The following BEST3 variants were observed in gnomAD, a reference collection of about 807,000 sequenced individuals.
BEST3 encodes the protein bestrophin 3.
BEST3 carries 50 observed loss-of-function variants against 47.1 expected under a neutral mutation model. The observed-to-expected ratio is 1.06, with a 90% confidence interval of 0.85 to 1.34. The LOEUF (loss-of-function observed/expected upper bound fraction) is 1.34, where lower values mean the gene tolerates loss of function less well. BEST3 is among the 40% of genes most tolerant of loss of function. The pLI is 0.00. For missense variants in BEST3, 765 were observed against 817.0 expected (o/e 0.94, Z 0.78); for synonymous variants, 282 against 298.8 (o/e 0.94, Z 0.58).
intron 9 of BEST3, 119 bp downstream of exon 9, chr12:69,671,309 G>A (rs1884554537): frequency 2.9e-6 from 3 of 1,050,912 alleles, no homozygotes; most frequent in South Asian, 2.1e-5. Context: ...AGGACTACAG[G>A]TGACATCACA....
intron 4 of BEST3, among the ~76,000 whole-genome samples, chr12:69,679,850 G>A (rs1250761926): frequency 6.6e-6 from 1 of 152,156 alleles, no homozygotes; most frequent in Non-Finnish European, 1.5e-5. Context: ...TATAGAGCGA[G>A]ACTGTCTCCC....
chr12:69,671,358 TTA>T, intron 9 of BEST3, 68 bp downstream of exon 9: 1 of 1,168,634 alleles, frequency 8.6e-7, no homozygotes, highest in Non-Finnish European at 1.2e-6. Flanking sequence ...TTTTTTTTTT[TTA>T]TAGAGACAAG....
intron 4 of BEST3, among the ~76,000 whole-genome samples, chr12:69,692,161 C>T (rs1347018253): frequency 6.6e-6 from 1 of 152,060 alleles, no homozygotes; most frequent in African/African-American, 2.4e-5. Context: ...CTGTATTAGC[C>T]ATTTAAGAAG....
intron 4 of BEST3, among the ~76,000 whole-genome samples, chr12:69,688,588 A>G (rs1205647647): frequency 6.6e-6 from 1 of 152,228 alleles, no homozygotes; most frequent in Non-Finnish European, 1.5e-5. Context: ...AAGTTCAAGG[A>G]TGAGCAGGTA....
intron 9 of BEST3, among the ~76,000 whole-genome samples, chr12:69,668,522 G>A (rs1452465320): frequency 4.6e-5 from 7 of 152,168 alleles, no homozygotes; most frequent in African/African-American, 1.2e-4. Flanking sequence ...CAGTCAGGTG[G>A]CTCATTTGAC....
rs2277388 is a variant in BEST3, at chr12:69,672,867, A to G, written c.948+18T>C. On this transcript the variant is annotated intron_variant, in intron 8 of 9. Transcript: ENST00000330891. The stretch of plus-strand genomic sequence containing the variant: ...ATTTATTATTAACATTTGAAAAAGA[A>G]AGAAAAATTCCTCTAACCTGCAAAT... The G allele has an allele frequency of 3.2e-4, 500 of 1,565,816 alleles. 6 individuals carry two copies. In the East Asian group the frequency reaches 0.011, roughly 35 times the overall value.
chr12:69,662,016 A>G (rs73327739), intron 9 of BEST3, among the ~76,000 whole-genome samples: 14,817 of 152,150 alleles, frequency 0.097, 811 homozygotes, highest in East Asian at 0.23. Flanking sequence ...CCTCTTTAAT[A>G]TTGTTATATT....
In BEST3 at chr12:69,654,956, T is replaced by G. The variant is rs374261993; in HGVS notation, c.1958A>C (p.Glu653Ala). ...LYLMENLDTKETDIIELNKET... is the reference protein window; with the variant it reads ...LYLMENLDTKATDIIELNKET... ...CTTGTTCAGCTCTATGATATCTGTT[T>G]CCTTGGTGTCCAGGTTTTCCATTAA... is the stretch of plus-strand genomic sequence containing the variant. The change falls in exon 10 of 10, where the codon GAA becomes GCA. Residue 653 changes from glutamate (E) to alanine (A), a missense_variant. Glu to Ala is a moderately radical substitution (Grantham distance 107). Transcript: ENST00000330891. 3 of 1,613,990 alleles carry G rather than the reference T, an allele frequency of 1.9e-6. No individual in the cohort carries two copies. In the East Asian group the frequency reaches 6.7e-5, roughly 36 times the overall value.
intron 4 of BEST3, among the ~76,000 whole-genome samples, chr12:69,687,722 C>T (rs1488008632): frequency 5.3e-5 from 8 of 150,392 alleles, no homozygotes; most frequent in Admixed American, 2.6e-4. Flanking sequence ...TTTTTTTCCT[C>T]AGAGGTTACT....
intron 9 of BEST3, among the ~76,000 whole-genome samples, chr12:69,657,129 T>C (rs1883551956): frequency 6.6e-6 from 1 of 152,130 alleles, no homozygotes; most frequent in African/African-American, 2.4e-5. Flanking sequence ...AGAGTCTTAC[T>C]CTGTCGCCCA....
chr12:69,682,436 T>C (rs1396955736), intron 4 of BEST3, among the ~76,000 whole-genome samples: 1 of 152,234 alleles, frequency 6.6e-6, no homozygotes, highest in East Asian at 1.9e-4. Flanking sequence ...TGGAGAATGG[T>C]ACTCTCCCTG....
At chr12:69,698,172 C>T (rs1230784343) in intron 1 of BEST3, among the ~76,000 whole-genome samples, 1 of 152,166 alleles carries the variant, frequency 6.6e-6, no homozygotes, top group Non-Finnish European at 1.5e-5. Flanking sequence ...GGTTTGATTG[C>T]ATGTAGATGT....
Position 69,680,310 on chromosome 12 carries a change from C to CTTCTTTTTTTT in BEST3, c.482-1418_482-1417insAAAAAAAAGAA, listed in dbSNP as rs763385722. ...TTAAAACTTACAGTTTACACTTGAT[C>CTTCTTTTTTTT]TTTTTTTTTTTTTTTTTAGATGGAG... On this transcript the variant is annotated intron_variant, in intron 4 of 9. Transcript: ENST00000330891. 5.8e-4 allele frequency among the ~76,000 whole-genome samples: 55 copies of CTTCTTTTTTTT among 94,976 alleles called. 7 individuals are homozygous for CTTCTTTTTTTT. Among genetic ancestry groups the CTTCTTTTTTTT allele is most frequent in the African/African-American group, 1.1e-3 (26 of 23,408 alleles). 62.3% of individuals were successfully genotyped at this position (94,976 alleles called of 152,430 possible). A position where few individuals can be genotyped will look rare whatever the true frequency, so the allele number is the denominator to read the frequency against.
chr12:69,664,978 A>T (rs998058728), intron 9 of BEST3, among the ~76,000 whole-genome samples: 2 of 152,218 alleles, frequency 1.3e-5, no homozygotes, highest in East Asian at 3.8e-4. Flanking sequence ...TCTGAAATGC[A>T]TTTCCTCCTG....
exon 10 of BEST3, chr12:69,643,579 C>G (rs1882941305): frequency 1.8e-6 from 1 of 549,620 alleles, no homozygotes; most frequent in Admixed American, 3.2e-5. Context: ...CTTAGGAACT[C>G]CACATGCCTG....
At position 69,655,197 on chromosome 12, in the gene BEST3, C is replaced by T. The variant is rs748136001; in HGVS notation, c.1717G>A (p.Glu573Lys). ...TCTTCTTCACAGTTGAATATATTTT[C>T]CTCAGCGCTGGCTGAAACTGTCTGG... ...SPQTVSASAE[E>K]NIFNCEEDPG... The change falls in exon 10 of 10, where the codon GAA (glutamate) becomes AAA (lysine). Residue 573 changes from glutamate (E) to lysine (K), a missense_variant. Coordinates refer to ENST00000330891, the MANE Select transcript of BEST3 (RefSeq NM_032735.3). The T allele has an allele frequency of 1.9e-5, 31 of 1,614,066 alleles. No homozygotes were observed. The highest frequency in any genetic ancestry group is 2.5e-5 in the Non-Finnish European group (30 of 1,180,028).
At chr12:69,664,793 C>CA (rs200150144) in intron 9 of BEST3, among the ~76,000 whole-genome samples, 1,738 of 150,928 alleles carry the variant, frequency 0.012, 40 homozygotes, top group African/African-American at 0.04. Context: ...AAATACATTC[C>CA]AAAAAAATCC....
At chr12:69,685,200 C>T (rs866463945) in intron 4 of BEST3, among the ~76,000 whole-genome samples, 113 of 152,108 alleles carry the variant, frequency 7.4e-4, no homozygotes, top group African/African-American at 2.6e-3. Flanking sequence ...ACAGACACTC[C>T]TCTATTATAT....
intron 9 of BEST3, among the ~76,000 whole-genome samples, chr12:69,646,961 T>G (rs959928160): frequency 6.6e-6 from 1 of 152,170 alleles, no homozygotes; most frequent in Admixed American, 6.5e-5. Flanking sequence ...TGAGATTCAT[T>G]CACTTCTGAA....
Sources: gnomAD v4.1 joint callset for allele counts (sites outside exome capture counted in the v4.1 genomes callset) on GRCh38, gnomAD v4.1.1 for gene constraint, MANE v1.5 for transcripts, NCBI Gene and HGNC (gene_info 2026-07-23, HGNC 2026-07-21) for gene names.